The following LRRFIP2 variants were observed in gnomAD, a reference collection of about 807,000 sequenced individuals.
LRRFIP2 encodes leucine-rich repeat flightless-interacting protein 2.
Under a neutral mutation model 125.9 loss-of-function variants are expected in LRRFIP2, and 109 were observed. That is an observed-to-expected ratio of 0.87 (90% CI 0.74 to 1.01). LRRFIP2 has a LOEUF of 1.01. Among genes scored for constraint, LRRFIP2 ranks in the 50% least tolerant of loss-of-function variants. The pLI, the probability that LRRFIP2 is intolerant of heterozygous loss-of-function variation, is 0.00. For synonymous variants in LRRFIP2, 291 were observed against 293.1 expected, an observed-to-expected ratio of 0.99 and a Z score of 0.07; for missense variants, 850 against 862.3, an observed-to-expected ratio of 0.99 and a Z score of 0.18.
upstream of LRRFIP2, chr3:37,176,139 G>A (rs1186295993): frequency 6.6e-6 from 1 of 152,368 alleles, no homozygotes; most frequent in Non-Finnish European, 1.5e-5. Context: ...CGCCCGCTGG[G>A]GCTATGGGCG....
At chr3:37,139,747 C>G (rs2095645735) in intron 2 of LRRFIP2, among the ~76,000 whole-genome samples, 2 of 152,102 alleles carry the variant, frequency 1.3e-5, no homozygotes, top group Non-Finnish European at 2.9e-5. Flanking sequence ...CTCTCTACTT[C>G]TATTGGTTCA....
intron 1 of LRRFIP2, among the ~76,000 whole-genome samples, chr3:37,169,159 G>T (rs1216685264): frequency 2.6e-5 from 4 of 152,058 alleles, no homozygotes; most frequent in Non-Finnish European, 5.9e-5. Flanking sequence ...TATGATGTTT[G>T]CTTGACAAAA....
intron 1 of LRRFIP2, among the ~76,000 whole-genome samples, chr3:37,160,291 G>A (rs75531859): frequency 0.014 from 2,116 of 152,040 alleles, 42 homozygotes; most frequent in African/African-American, 0.046. Flanking sequence ...ACCCCTTTTC[G>A]AGGGAGGTCA....
rs2093442394 is a variant in LRRFIP2, at chr3:37,091,603, A to AT, written c.1036-66dup. The AT allele has an allele frequency of 5.2e-6, 6 of 1,149,444 alleles. No individual in the cohort carries two copies. In the South Asian group the frequency reaches 8.7e-5, roughly 17 times the overall value. 71.2% of individuals were successfully genotyped at this position (1,149,444 alleles called of 1,614,324 possible). A position where few individuals can be genotyped will look rare whatever the true frequency, so the allele number is the denominator to read the frequency against. On this transcript the variant is annotated intron_variant, in intron 17 of 27. Coordinates refer to ENST00000336686, the MANE Select transcript of LRRFIP2 (RefSeq NM_006309.4). ...ACAAACGTATCTTAAATCGCAAAGG[A>AT]TTCAGATGAAATGTGACTCACTTTT...
At chr3:37,144,862 C>T (rs918211798) in intron 2 of LRRFIP2, among the ~76,000 whole-genome samples, 2 of 152,102 alleles carry the variant, frequency 1.3e-5, no homozygotes, top group Non-Finnish European at 1.5e-5. Flanking sequence ...ACAGACTATG[C>T]TTTAATTTCA....
intron 24 of LRRFIP2, among the ~76,000 whole-genome samples, chr3:37,063,472 C>T (rs773148927): frequency 6.6e-5 from 10 of 152,106 alleles, no homozygotes; most frequent in South Asian, 2.1e-4. Context: ...TGGTCAGGGG[C>T]GAGGTCAGAG....
At position 37,074,932 on chromosome 3, in the gene LRRFIP2, G is replaced by A. The variant is rs1181387684; in HGVS notation, c.1371+92C>T. ...CAAATATAAAGAGACAAACTCTGAT[G>A]CATCTTAACTCTCCTTCCCTCCCAA... On this transcript the variant is annotated intron_variant, in intron 20 of 27. Coordinates refer to ENST00000336686, the MANE Select transcript of LRRFIP2 (RefSeq NM_006309.4). 11 of 793,582 alleles carry A rather than the reference G, an allele frequency of 1.4e-5. No homozygotes were observed. In the East Asian group the frequency reaches 2.7e-4, roughly 20 times the overall value. 49.2% of individuals were successfully genotyped at this position (793,582 alleles called of 1,614,324 possible).
At chr3:37,090,024 T>G (rs1326798790) in intron 18 of LRRFIP2, among the ~76,000 whole-genome samples, 1 of 152,210 alleles carries the variant, frequency 6.6e-6, no homozygotes, top group Non-Finnish European at 1.5e-5. Flanking sequence ...TCCTGAGTCT[T>G]ACTCTGTTTC....
intron 1 of LRRFIP2, among the ~76,000 whole-genome samples, chr3:37,159,886 G>C (rs772521971): frequency 7.1e-6 from 1 of 140,586 alleles, no homozygotes; most frequent in Non-Finnish European, 1.5e-5. Flanking sequence ...CTGGGGTTTT[G>C]ACACAAAAAT....
intron 6 of LRRFIP2, among the ~76,000 whole-genome samples, chr3:37,119,529 C>T (rs1203857305): frequency 6.6e-6 from 1 of 152,104 alleles, no homozygotes; most frequent in African/African-American, 2.4e-5. Flanking sequence ...TGAAAATACA[C>T]ACTGCGAACA....
chr3:37,126,559 TA>T (rs869048529), intron 4 of LRRFIP2, among the ~76,000 whole-genome samples: 176 of 142,494 alleles, frequency 1.2e-3, no homozygotes, highest in Middle Eastern at 3.5e-3. Context: ...CACAGAGGTT[TA>T]AAAAAAAAAA....
intron 27 of LRRFIP2, 27 bp from the exon 28 acceptor site, chr3:37,053,988 A>G (rs2086072059): frequency 7.6e-7 from 1 of 1,320,786 alleles, no homozygotes; most frequent in Non-Finnish European, 1.1e-6. Context: ...TGCAGTCACT[A>G]CATGTGGTCA....
intron 1 of LRRFIP2, among the ~76,000 whole-genome samples, chr3:37,166,649 G>A (rs1402368499): frequency 1.3e-5 from 2 of 152,036 alleles, no homozygotes. Flanking sequence ...CTCGAGCCCA[G>A]GAGTTGGAGA....
At chr3:37,108,222 T>A in intron 12 of LRRFIP2, 93 bp from the exon 13 acceptor site, 2 of 982,304 alleles carry the variant, frequency 2.0e-6, no homozygotes, top group Non-Finnish European at 3.2e-6. Context: ...AACTTGCCCC[T>A]GGTTCTCAAG....
rs1487299792 is a variant in LRRFIP2 at position 37,088,701 on chromosome 3, G to A, written c.1107+2766C>T. Among the ~76,000 whole-genome samples the A allele has an allele frequency of 3.9e-5, 6 of 151,962 alleles. No homozygotes were observed. In the East Asian group the frequency reaches 1.2e-3, roughly 29 times the overall value. ...GTGGTGCACCCCTATAGTCCCAGCA[G>A]GCTTAGGATCGCTTGAGTCCAGGAG... On this transcript the variant is annotated intron_variant, in intron 18 of 27. Coordinates refer to ENST00000336686, the MANE Select transcript of LRRFIP2 (RefSeq NM_006309.4).
chr3:37,157,752 A>G (rs1366233219), intron 1 of LRRFIP2, among the ~76,000 whole-genome samples: 1 of 152,244 alleles, frequency 6.6e-6, no homozygotes, highest in African/African-American at 2.4e-5. Flanking sequence ...ACTTGGCAAA[A>G]CAAGGAAAGG....
At chr3:37,134,599 T>C (rs998326050) in intron 2 of LRRFIP2, 6 of 543,552 alleles carry the variant, frequency 1.1e-5, no homozygotes, top group Non-Finnish European at 2.2e-5. Context: ...ACCAGGAGTT[T>C]TGGCCAGACT....
At chr3:37,061,408 CTTT>C (rs759985322) in intron 24 of LRRFIP2, among the ~76,000 whole-genome samples, 14 of 138,788 alleles carry the variant, frequency 1.0e-4, no homozygotes, top group Middle Eastern at 3.7e-3. Context: ...TTCTTTTTTC[CTTT>C]TTTTTTTTTT....
chr3:37,099,597 A>G (rs2093912444), intron 15 of LRRFIP2, among the ~76,000 whole-genome samples: 1 of 152,234 alleles, frequency 6.6e-6, no homozygotes, highest in Non-Finnish European at 1.5e-5. Flanking sequence ...GAAGACATCA[A>G]TCAATTTTAA....
Sources: allele counts gnomAD v4.1 joint callset (sites outside exome capture counted in the v4.1 genomes callset), GRCh38; gene constraint gnomAD v4.1.1; transcripts MANE v1.5; gene names NCBI Gene and HGNC (gene_info 2026-07-23, HGNC 2026-07-21).